Variants in MAN2A1 observed in about 807,000 individuals in gnomAD.
The protein encoded by MAN2A1 is mannosidase alpha class 2A member 1.
In MAN2A1, 76 loss-of-function variants were observed where a neutral mutation model predicts 142.6. That is an observed-to-expected ratio of 0.53 (90% CI 0.44 to 0.65). The LOEUF (loss-of-function observed/expected upper bound fraction) is 0.65, where lower values mean the gene tolerates loss of function less well. Ranked by LOEUF, MAN2A1 falls within the 30% of genes least tolerant of loss-of-function variation. MAN2A1 has a pLI of 0.00. For synonymous variants in MAN2A1, 559 were observed against 473.2 expected, an observed-to-expected ratio of 1.18 and a Z score of -2.35; for missense variants, 1,311 against 1,365.1, an observed-to-expected ratio of 0.96 and a Z score of 0.62.
chr5:109,740,273 A>G (rs1263046962), intron 4 of MAN2A1, among the ~76,000 whole-genome samples: 1 of 152,232 alleles, frequency 6.6e-6, no homozygotes, highest in Admixed American at 6.5e-5. Flanking sequence ...TAAATAGGAC[A>G]GAGTGAGAGA....
intron 21 of MAN2A1, 23 bp downstream of exon 21, chr5:109,865,169 G>C: frequency 6.5e-7 from 1 of 1,541,410 alleles, no homozygotes; most frequent in Non-Finnish European, 9.0e-7. Flanking sequence ...GGTTATTTTT[G>C]CTTACTGTTA....
At chr5:109,711,680 C>T (rs1011370657) in intron 1 of MAN2A1, among the ~76,000 whole-genome samples, 2 of 152,142 alleles carry the variant, frequency 1.3e-5, no homozygotes, top group Non-Finnish European at 2.9e-5. Context: ...CACTCATCTC[C>T]CATTTCCTTT....
intron 4 of MAN2A1, among the ~76,000 whole-genome samples, chr5:109,735,596 G>A (rs1047249318): frequency 1.3e-5 from 2 of 152,076 alleles, no homozygotes; most frequent in Non-Finnish European, 2.9e-5. Flanking sequence ...ACCTCAGATG[G>A]AAATGCAGAA....
intron 12 of MAN2A1, among the ~76,000 whole-genome samples, chr5:109,809,924 T>G (rs1754272229): frequency 6.6e-6 from 1 of 152,184 alleles, no homozygotes; most frequent in African/African-American, 2.4e-5. Flanking sequence ...TATTCTTTTT[T>G]TCACCACTTC....
At chr5:109,864,722 A>C (rs528123212) in intron 20 of MAN2A1, 1 of 224,366 alleles carries the variant, frequency 4.5e-6, no homozygotes, top group East Asian at 9.3e-5. Flanking sequence ...TTATTTGAAT[A>C]AACTTTAATA....
intron 12 of MAN2A1, among the ~76,000 whole-genome samples, chr5:109,792,994 T>C (rs1199600838): frequency 1.3e-5 from 2 of 152,100 alleles, no homozygotes; most frequent in Admixed American, 6.6e-5. Context: ...CATTACATTC[T>C]ATTGGTCAAG....
chr5:109,859,108 T>G (rs1580323103), intron 20 of MAN2A1, among the ~76,000 whole-genome samples: 1 of 152,354 alleles, frequency 6.6e-6, no homozygotes, highest in Non-Finnish European at 1.5e-5. Context: ...TTATCTCCAT[T>G]TCCTAAATTA....
At chr5:109,833,575 C>T (rs1020817987) in intron 16 of MAN2A1, among the ~76,000 whole-genome samples, 5 of 151,832 alleles carry the variant, frequency 3.3e-5, no homozygotes, top group African/African-American at 1.2e-4. Flanking sequence ...CAGGCTGAAG[C>T]AGGAGAATCA....
At chr5:109,767,857 A>C in intron 6 of MAN2A1, 149 bp downstream of exon 6, 1 of 625,774 alleles carries the variant, frequency 1.6e-6, no homozygotes, top group Non-Finnish European at 2.8e-6. Flanking sequence ...TATTTTTCCC[A>C]TGTGCCTGTG....
At chr5:109,822,207 A>G (rs1433200492) in intron 15 of MAN2A1, among the ~76,000 whole-genome samples, 4 of 149,986 alleles carry the variant, frequency 2.7e-5, no homozygotes, top group African/African-American at 9.8e-5. Context: ...AGAATTAAAG[A>G]CAAACTACAA....
intron 12 of MAN2A1, among the ~76,000 whole-genome samples, chr5:109,801,183 G>A (rs1754021250): frequency 6.6e-6 from 1 of 152,162 alleles, no homozygotes; most frequent in Non-Finnish European, 1.5e-5. Flanking sequence ...GTTCCATGGT[G>A]CCGTCAAAAG....
chr5:109,774,606 A>G (rs1019664977), intron 7 of MAN2A1, among the ~76,000 whole-genome samples, 182 bp from the exon 8 acceptor site: 1 of 152,146 alleles, frequency 6.6e-6, no homozygotes, highest in African/African-American at 2.4e-5. Flanking sequence ...GAAAATTAGT[A>G]TGATAGTTTT....
intron 12 of MAN2A1, among the ~76,000 whole-genome samples, chr5:109,799,045 C>T (rs1753942751): frequency 6.6e-6 from 1 of 152,078 alleles, no homozygotes; most frequent in Non-Finnish European, 1.5e-5. Context: ...TTCAATGCTA[C>T]TACCCTGCTT....
At chr5:109,744,419 T>C (rs1457990718) in intron 4 of MAN2A1, among the ~76,000 whole-genome samples, 3 of 152,082 alleles carry the variant, frequency 2.0e-5, no homozygotes, top group African/African-American at 7.2e-5. Flanking sequence ...ATGGTGATTA[T>C]GGGCCAGGGA....
chr5:109,695,619 G>A (rs1272128952), intron 1 of MAN2A1, among the ~76,000 whole-genome samples: 1 of 152,112 alleles, frequency 6.6e-6, no homozygotes, highest in African/African-American at 2.4e-5. Flanking sequence ...AGGATATTTA[G>A]CAGCTCTGAT....
intron 20 of MAN2A1, among the ~76,000 whole-genome samples, chr5:109,856,658 C>G (rs998256932): frequency 9.2e-5 from 14 of 152,172 alleles, no homozygotes; most frequent in African/African-American, 2.7e-4. Context: ...GCTCAATAAT[C>G]CTCAGTTTTT....
At position 109,845,868 on chromosome 5, in the gene MAN2A1, C is replaced by G. The variant is rs778325771; in HGVS notation, c.2704C>G (p.Gln902Glu). 13 of 1,610,430 alleles carry G rather than the reference C, an allele frequency of 8.1e-6. No homozygotes were observed. The Middle Eastern group carries it at 4.9e-4, about 61-fold the overall frequency. ...FYTDLNGYQI[Q>E]PRMTLSKLPL... is the part of the protein sequence containing the mutation. The stretch of plus-strand genomic sequence containing the variant: ...ATGGAATTGTTGTGTTTTATAGATT[C>G]AACCTAGAATGACACTGAGCAAATT... Residue 902 changes from glutamine (Q) to glutamate (E), a missense_variant, in exon 18 of 22, where the codon CAA becomes GAA. Physicochemically the swap from Gln to Glu is conservative, Grantham distance 29 (BLOSUM62 2). Around this residue, in one of 3 missense-constraint regions of MAN2A1, gnomAD observed 890 missense variants for 920.5 expected, o/e 0.97. Coordinates refer to ENST00000261483, the MANE Select transcript of MAN2A1 (RefSeq NM_002372.4).
chr5:109,700,606 A>C (rs1323543846), intron 1 of MAN2A1, among the ~76,000 whole-genome samples: 1 of 152,200 alleles, frequency 6.6e-6, no homozygotes. Flanking sequence ...AATCCAGTGA[A>C]GCAGTCATTC....
At chr5:109,778,588 T>G (rs1367361520) in intron 8 of MAN2A1, among the ~76,000 whole-genome samples, 1 of 152,118 alleles carries the variant, frequency 6.6e-6, no homozygotes, top group Non-Finnish European at 1.5e-5. Flanking sequence ...TCTAGGACAT[T>G]GCTTTGTGTT....
Sources: allele counts gnomAD v4.1 joint callset (sites outside exome capture counted in the v4.1 genomes callset), GRCh38; gene constraint gnomAD v4.1.1; regional missense constraint gnomAD v4.1.1; transcripts MANE v1.5; gene names NCBI Gene and HGNC (gene_info 2026-07-23, HGNC 2026-07-21).